NBAS: variants seen among roughly 807,000 people sequenced by gnomAD.
NBAS encodes NAG/BC035112 fusion.
Under a neutral mutation model 302.5 loss-of-function variants are expected in NBAS, and 219 were observed. That is an observed-to-expected ratio of 0.72 (90% CI 0.65 to 0.81). The LOEUF is 0.81. Among genes scored for constraint, NBAS ranks in the 30% least tolerant of loss-of-function variants. NBAS has a pLI of 0.00. For synonymous variants in NBAS, 1,118 were observed against 1,021.6 expected (o/e 1.09, Z -1.80); for missense variants, 2,932 against 2,841.6 (o/e 1.03, Z -0.72).
chr2:15,509,158 G>C (rs112457469), intron 10 of NBAS, among the ~76,000 whole-genome samples: 1 of 152,110 alleles, frequency 6.6e-6, no homozygotes, highest in Non-Finnish European at 1.5e-5. Flanking sequence ...ACTTTTTATA[G>C]ATTATGGGAT....
At chr2:15,306,926 C>G (rs1808361) in intron 40 of NBAS, among the ~76,000 whole-genome samples, 84,612 of 152,088 alleles carry the variant, frequency 0.56, 25,125 homozygotes, top group East Asian at 0.85. Context: ...TCCTGCTCCT[C>G]TCAGCAATTC....
At chr2:15,536,182 G>A (rs1041580888) in intron 8 of NBAS, among the ~76,000 whole-genome samples, 5 of 152,118 alleles carry the variant, frequency 3.3e-5, no homozygotes, top group African/African-American at 1.2e-4. Flanking sequence ...ATTAATAGCC[G>A]GATAGAGGGG....
At chr2:14,870,842 G>T in the NBAS span, among the ~76,000 whole-genome samples, 1 of 151,924 alleles carries the variant, frequency 6.6e-6, no homozygotes, top group Admixed American at 6.6e-5. Flanking sequence ...TGTAAACAAA[G>T]ATATTAAAGT....
intron 13 of NBAS, among the ~76,000 whole-genome samples, chr2:15,477,935 C>A (rs1217686067): frequency 2.7e-5 from 4 of 149,218 alleles, no homozygotes; most frequent in Non-Finnish European, 6.0e-5. Flanking sequence ...CTCAGTGTTT[C>A]TTCTTTGATG....
At chr2:15,033,544 C>T in the NBAS span, among the ~76,000 whole-genome samples, 4 of 152,048 alleles carry the variant, frequency 2.6e-5, no homozygotes, top group Admixed American at 6.5e-5. Context: ...GACTCATTGT[C>T]GTTTCCCAAA....
the NBAS span, among the ~76,000 whole-genome samples, chr2:14,821,169 G>T: frequency 2.6e-5 from 4 of 151,950 alleles, no homozygotes; most frequent in Non-Finnish European, 5.9e-5. Flanking sequence ...CTCGTGATCC[G>T]CCCGCCTCGC....
At chr2:15,024,614 A>G in the NBAS span, among the ~76,000 whole-genome samples, 5 of 151,952 alleles carry the variant, frequency 3.3e-5, no homozygotes, top group South Asian at 1.0e-3. Context: ...TTTCTCTATA[A>G]CCTCACTAAC....
chr2:15,016,240 A>C, the NBAS span, among the ~76,000 whole-genome samples: 2 of 152,132 alleles, frequency 1.3e-5, no homozygotes, highest in African/African-American at 4.8e-5. Flanking sequence ...CAAAAGGAGA[A>C]GCCATATATC....
intron 10 of NBAS, 54 bp downstream of exon 10, chr2:15,511,158 A>G (rs906801304): frequency 1.9e-6 from 3 of 1,608,664 alleles, no homozygotes; most frequent in Non-Finnish European, 8.5e-7. Flanking sequence ...GTCTAAGACA[A>G]ATAGCACAGT....
chr2:15,057,499 A>G, the NBAS span, among the ~76,000 whole-genome samples: 1 of 151,942 alleles, frequency 6.6e-6, no homozygotes, highest in African/African-American at 2.4e-5. Context: ...TCTTTAGTGG[A>G]GATTTGTGAG....
the NBAS span, among the ~76,000 whole-genome samples, chr2:14,799,815 A>G: frequency 6.6e-6 from 1 of 152,196 alleles, no homozygotes; most frequent in African/African-American, 2.4e-5. Context: ...ATTAAAAATT[A>G]TAGTCTATCT....
chr2:15,042,716 C>A, the NBAS span, among the ~76,000 whole-genome samples: 8 of 152,156 alleles, frequency 5.3e-5, no homozygotes, highest in Non-Finnish European at 1.2e-4. Context: ...AAGATAGACA[C>A]CCAAAAGAGC....
intron 9 of NBAS, among the ~76,000 whole-genome samples, chr2:15,522,700 G>C (rs886073706): frequency 6.6e-6 from 1 of 152,156 alleles, no homozygotes; most frequent in African/African-American, 2.4e-5. Flanking sequence ...TTTAACGTAG[G>C]AGCGATATGC....
chr2:15,457,744 G>C (rs1679315642), intron 21 of NBAS, among the ~76,000 whole-genome samples: 1 of 152,188 alleles, frequency 6.6e-6, no homozygotes, highest in East Asian at 1.9e-4. Flanking sequence ...CATCTGAACT[G>C]CTTCCAAGTG....
intron 44 of NBAS, among the ~76,000 whole-genome samples, chr2:15,256,028 G>A (rs1004025677): frequency 2.0e-5 from 3 of 151,984 alleles, no homozygotes; most frequent in Admixed American, 1.3e-4. Context: ...TCTTGCTTTG[G>A]CTATGAAGAC....
chr2:15,065,478 T>G, the NBAS span, among the ~76,000 whole-genome samples: 1 of 152,062 alleles, frequency 6.6e-6, no homozygotes, highest in Non-Finnish European at 1.5e-5. Context: ...GGAGATGACA[T>G]GACCTTATAG....
the NBAS span, among the ~76,000 whole-genome samples, chr2:15,161,537 T>C: frequency 6.6e-6 from 1 of 152,072 alleles, no homozygotes; most frequent in South Asian, 2.1e-4. Context: ...GAACTTCAAG[T>C]GTCCAGAAGA....
At chr2:15,433,101 C>G (rs1025531087) in intron 21 of NBAS, among the ~76,000 whole-genome samples, 2 of 152,036 alleles carry the variant, frequency 1.3e-5, no homozygotes, top group African/African-American at 4.8e-5. Context: ...TAGTAAATGC[C>G]GCAATACTGC....
At chr2:15,052,921 T>A in the NBAS span, among the ~76,000 whole-genome samples, 1 of 152,182 alleles carries the variant, frequency 6.6e-6, no homozygotes, top group Admixed American at 6.5e-5. Context: ...TATGTTAATT[T>A]AAAATTCTGA....
Sources: allele counts gnomAD v4.1 joint callset (sites outside exome capture counted in the v4.1 genomes callset), GRCh38; gene constraint gnomAD v4.1.1; transcripts MANE v1.5; gene names NCBI Gene and HGNC (gene_info 2026-07-23, HGNC 2026-07-21).